Variants in DIDO1 observed in about 807,000 individuals in gnomAD.
DIDO1 encodes the protein death inducer-obliterator 1, also known as death-inducer obliterator 1.
Under a neutral mutation model 99.4 loss-of-function variants are expected in DIDO1, and 16 were observed. The ratio of observed to expected loss-of-function variants is 0.16; its 90% CI spans 0.11 to 0.24. The LOEUF is 0.24. Ranked by LOEUF, DIDO1 falls within the 10% of genes least tolerant of loss-of-function variation. DIDO1 has a pLI of 1.00. For missense variants in DIDO1, 2,996 were observed against 3,014.0 expected (o/e 0.99, Z 0.14); for synonymous variants, 1,366 against 1,239.1 (o/e 1.10, Z -2.15).
rs150526661 is a variant in DIDO1 at position 62,894,870 on chromosome 20, C to T, written c.2376G>A (p.Thr792=). ...RTKLHNESKK[T]APRQEAIPDL... ...CGGGGATGGCCTCCTGCCTGGGGGC[C>T]GTCTTCTTGCTTTCATTGTGCAGTT... Residue 792 remains threonine, a synonymous_variant, in exon 10 of 16, where the codon ACG becomes ACA. Coordinates refer to ENST00000395343, the MANE Select transcript of DIDO1 (RefSeq NM_001193369.2). The surrounding 1 kb of genome is among the most constrained non-coding windows in gnomAD (Gnocchi z 4.4). The T allele has an allele frequency of 1.1e-5, 18 of 1,613,972 alleles. No homozygotes were observed. Among genetic ancestry groups the T allele is most frequent in the Admixed American group, 5.0e-5 (3 of 59,992 alleles).
intron 6 of DIDO1, among the ~76,000 whole-genome samples, chr20:62,903,094 A>G (rs907578092): frequency 6.6e-6 from 1 of 152,240 alleles, no homozygotes; most frequent in African/African-American, 2.4e-5. Context: ...AAGAAACATC[A>G]TGATCTTTGA....
At position 62,894,258 on chromosome 20, in the gene DIDO1, AG is replaced by A; in HGVS notation, c.2573-65del. ...CGGCACACTGGTGTTTCTCACACAA[AG>A]CCGAAAGCAATACTCTAAAGGCAGG... On this transcript the variant is annotated intron_variant, in intron 11 of 15. Coordinates refer to ENST00000395343, the MANE Select transcript of DIDO1 (RefSeq NM_001193369.2). This position sits in a 1 kb window ranked among gnomAD's most constrained non-coding sequence, Gnocchi z 4.4. 6.3e-7 allele frequency: 1 copy of A among 1,583,492 alleles called. No homozygotes were observed. Among genetic ancestry groups the A allele is most frequent in the Non-Finnish European group, 8.6e-7 (1 of 1,163,044 alleles).
Position 62,896,709 on chromosome 20 carries a change from T to C in DIDO1, c.1876A>G (p.Lys626Glu), listed in dbSNP as rs751563918. The C allele has an allele frequency of 6.2e-7, 1 of 1,613,864 alleles. No individual in the cohort carries two copies. Among genetic ancestry groups the C allele is most frequent in the Non-Finnish European group, 8.5e-7 (1 of 1,179,916 alleles). The change falls in exon 7 of 16, where the codon AAG (lysine) becomes GAG (glutamate). Residue 626 changes from lysine (K) to glutamate (E), a missense_variant. Lys to Glu is a moderately conservative substitution (Grantham distance 56, BLOSUM62 1). Around this residue, in one of 5 missense-constraint regions of DIDO1, gnomAD observed 898 missense variants for 972.7 expected, o/e 0.92. Transcript: ENST00000395343. This position sits in a 1 kb window ranked among gnomAD's most constrained non-coding sequence, Gnocchi z 4.4. ...PAPAAATAAS[K>E]KFPGSAALVG... The stretch of plus-strand genomic sequence containing the variant: ...AAAGCAGCGGAGCCAGGGAACTTCT[T>C]GGAGGCAGCCGTTGCCGCTGCAGGT...
At position 62,906,027 on chromosome 20, in the gene DIDO1, A is replaced by G. The variant is rs377222138; in HGVS notation, c.1448T>C (p.Val483Ala). The G allele has an allele frequency of 2.3e-5, 37 of 1,613,910 alleles. No individual in the cohort carries two copies. Among genetic ancestry groups the G allele is most frequent in the Non-Finnish European group, 3.1e-5 (37 of 1,180,016 alleles). The change falls in exon 6 of 16, where the codon GTG becomes GCG. Residue 483 changes from valine to alanine, a missense_variant. Physicochemically the swap from Val to Ala is moderately conservative, Grantham distance 64. Transcript: ENST00000395343. ...EKKETTVKKA[V>A]VVPARSEALG... Reference sequence around the variant, plus strand: ...TGCTTCACTCCGCGCAGGGACCACCACTGCCTTCTTCACTGTGGTCTCTTT... The same window carrying G: ...TGCTTCACTCCGCGCAGGGACCACCGCTGCCTTCTTCACTGTGGTCTCTTT...
chr20:62,890,523 T>C, intron 15 of DIDO1: 2 of 999,784 alleles, frequency 2.0e-6, no homozygotes, highest in Non-Finnish European at 2.4e-6. Context: ...GTCATTATTG[T>C]TAAGTCTCCT....
upstream of DIDO1, among the ~76,000 whole-genome samples, chr20:62,929,627 G>T (rs2065304952): frequency 6.8e-6 from 1 of 146,548 alleles, no homozygotes; most frequent in Admixed American, 6.9e-5. Context: ...CAGGAAAAAG[G>T]AATCACAAAA....
intron 1 of DIDO1, among the ~76,000 whole-genome samples, chr20:62,935,623 A>G (rs2065374703): frequency 6.6e-6 from 1 of 152,196 alleles, no homozygotes; most frequent in Admixed American, 6.5e-5. Flanking sequence ...GCGATAACAA[A>G]GCTTGTTGAC....
rs368701232 is a variant in DIDO1 at position 62,895,103 on chromosome 20, T to C, written c.2277A>G (p.Pro759=). Residue 759 remains proline, a synonymous_variant, in exon 9 of 16, where the codon CCA becomes CCG. Transcript: ENST00000395343. The stretch of plus-strand genomic sequence containing the variant: ...AAAGCTCTTTAGATACAAGTTCTTC[T>C]GGCTTCAGTCTCACAAGTTTCGCCA... ...ISLAKLVRLK[P]EELVSKELST... is the part of the protein sequence containing the mutation. The C allele has an allele frequency of 2.9e-5, 46 of 1,611,984 alleles. No homozygotes were observed. Among genetic ancestry groups the C allele is most frequent in the Non-Finnish European group, 3.9e-5 (46 of 1,178,264 alleles).
chr20:62,890,859 C>A, intron 15 of DIDO1, 101 bp downstream of exon 15: 1 of 1,600,318 alleles, frequency 6.2e-7, no homozygotes, highest in Non-Finnish European at 8.5e-7. Context: ...CTCCTGCTCC[C>A]AGAGAGCCCT....
chr20:62,922,245 CACACACACACATATATAT>C (rs1227801369), intron 1 of DIDO1, among the ~76,000 whole-genome samples: 16 of 148,132 alleles, frequency 1.1e-4, no homozygotes, highest in Non-Finnish European at 2.1e-4. Context: ...TATATATATA[CACACACACACATATATAT>C]ACACACACAC....
At chr20:62,933,207 G>C (rs1162261840) in intron 1 of DIDO1, among the ~76,000 whole-genome samples, 1 of 151,852 alleles carries the variant, frequency 6.6e-6, no homozygotes, top group African/African-American at 2.4e-5. Context: ...GTGAAATTCT[G>C]TCTCAAACAA....
intron 6 of DIDO1, chr20:62,905,188 A>C: frequency 1.8e-6 from 2 of 1,096,438 alleles, no homozygotes; most frequent in Non-Finnish European, 2.2e-6. Context: ...AGCCAGTCAC[A>C]TGTAGAATAC....
At chr20:62,921,281 C>A (rs1016909816) in intron 1 of DIDO1, among the ~76,000 whole-genome samples, 13 of 152,180 alleles carry the variant, frequency 8.5e-5, no homozygotes, top group Non-Finnish European at 1.6e-4. Context: ...ATAGATATAA[C>A]AAAAGCTCTT....
chr20:62,919,571 C>A (rs1481577512), intron 1 of DIDO1, among the ~76,000 whole-genome samples: 1 of 151,836 alleles, frequency 6.6e-6, no homozygotes. Context: ...AGCAAGGGTG[C>A]CACAACACAG....
intron 1 of DIDO1, among the ~76,000 whole-genome samples, chr20:62,922,049 A>AAT (rs202189712): frequency 1.5e-4 from 18 of 123,064 alleles, no homozygotes; most frequent in Non-Finnish European, 2.2e-4. Context: ...ATATACACAC[A>AAT]ATATATATAT....
chr20:62,914,999 C>T (rs909859320), intron 1 of DIDO1, among the ~76,000 whole-genome samples: 13 of 152,154 alleles, frequency 8.5e-5, no homozygotes, highest in African/African-American at 2.9e-4. Flanking sequence ...CCAGTCACAT[C>T]ACAACACTCA....
intron 12 of DIDO1, 74 bp downstream of exon 12, chr20:62,893,592 A>T: frequency 6.8e-7 from 1 of 1,464,080 alleles, no homozygotes; most frequent in Non-Finnish European, 9.2e-7. Flanking sequence ...CAACTATTTA[A>T]TCACCAGTTA....
intron 15 of DIDO1, among the ~76,000 whole-genome samples, chr20:62,884,357 T>G (rs1018163588): frequency 1.3e-5 from 2 of 152,104 alleles, no homozygotes; most frequent in African/African-American, 4.8e-5. Context: ...AAACAGGAGC[T>G]GAAGGAAAGT....
chr20:62,882,403 G>T lies in DIDO1; in HGVS notation c.3553C>A (p.Pro1185Thr), dbSNP rs559314136. ...LPFEGPGLES[P>T]RPNIILGLVI... ...AACCCAAGAATTATATTCGGACGTG[G>T]TGACTCAAGACCTGAAAAACAAAAT... Residue 1185 changes from proline to threonine, a missense_variant, in exon 16 of 16, where the codon CCA (proline) becomes ACA (threonine). Physicochemically the swap from Pro to Thr is conservative, Grantham distance 38 (BLOSUM62 -1). Coordinates refer to ENST00000395343, the MANE Select transcript of DIDO1 (RefSeq NM_001193369.2). The T allele has an allele frequency of 2.8e-5, 45 of 1,610,212 alleles. No homozygotes were observed. In the African/African-American group the frequency reaches 4.5e-4, roughly 16 times the overall value.
Sources: allele counts gnomAD v4.1 joint callset (sites outside exome capture counted in the v4.1 genomes callset), GRCh38; gene constraint gnomAD v4.1.1; regional missense constraint gnomAD v4.1.1; non-coding constraint Gnocchi (gnomAD v3.1); transcripts MANE v1.5; gene names NCBI Gene and HGNC (gene_info 2026-07-23, HGNC 2026-07-21).